PTPRD: variants seen among roughly 807,000 people sequenced by gnomAD.
PTPRD encodes the protein protein tyrosine phosphatase receptor type D, also known as receptor-type tyrosine-protein phosphatase delta.
PTPRD carries 34 observed loss-of-function variants against 214.5 expected under a neutral mutation model. The ratio of observed to expected loss-of-function variants is 0.16; its 90% CI spans 0.12 to 0.21. The LOEUF is 0.21. PTPRD is among the 10% of genes least tolerant of loss of function. The probability of loss-of-function intolerance (pLI) is 1.00; values close to 1 mark genes in which losing one functional copy is unlikely to be tolerated. For synonymous variants in PTPRD, 1,128 were observed against 845.7 expected, an observed-to-expected ratio of 1.33 and a Z score of -5.79; for missense variants, 2,545 against 2,398.7, an observed-to-expected ratio of 1.06 and a Z score of -1.27.
At chr9:8,662,479 A>G (rs1461336261) in intron 12 of PTPRD, among the ~76,000 whole-genome samples, 1 of 152,176 alleles carries the variant, frequency 6.6e-6, no homozygotes, top group Non-Finnish European at 1.5e-5. Context: ...ATACAACTAT[A>G]GTCTATCTGT....
intron 5 of PTPRD, among the ~76,000 whole-genome samples, chr9:9,778,470 C>G (rs1298560410): frequency 6.6e-6 from 1 of 152,156 alleles, no homozygotes; most frequent in Non-Finnish European, 1.5e-5. Context: ...GACGCCCATC[C>G]CCGGGAACTC....
intron 11 of PTPRD, among the ~76,000 whole-genome samples, chr9:8,800,353 A>C (rs10815951): frequency 0.65 from 99,474 of 151,958 alleles, 32,913 homozygotes; most frequent in Middle Eastern, 0.74. Context: ...AATGCTGAGA[A>C]CTACTGGGCT....
At chr9:8,530,144 T>C (rs1389621825) in intron 14 of PTPRD, among the ~76,000 whole-genome samples, 1 of 152,070 alleles carries the variant, frequency 6.6e-6, no homozygotes, top group African/African-American at 2.4e-5. Flanking sequence ...TATGTTAGAA[T>C]TTCTAATGAA....
At chr9:9,499,246 C>T (rs1320732924) in intron 8 of PTPRD, among the ~76,000 whole-genome samples, 1 of 152,016 alleles carries the variant, frequency 6.6e-6, no homozygotes, top group Non-Finnish European at 1.5e-5. Flanking sequence ...ATGTTATCCC[C>T]TTTTTAATGG....
At chr9:8,724,816 T>G (rs1013345791) in intron 12 of PTPRD, among the ~76,000 whole-genome samples, 2 of 150,968 alleles carry the variant, frequency 1.3e-5, no homozygotes, top group African/African-American at 2.4e-5. Flanking sequence ...CACGTGCCAG[T>G]AATCCCAGCT....
intron 10 of PTPRD, among the ~76,000 whole-genome samples, chr9:9,132,270 A>C (rs571585192): frequency 1.3e-4 from 20 of 152,182 alleles, no homozygotes; most frequent in Non-Finnish European, 2.4e-4. Context: ...CGGCCTCCCA[A>C]ATTGCTGGGA....
intron 4 of PTPRD, among the ~76,000 whole-genome samples, chr9:9,949,817 T>C (rs1289524403): frequency 6.6e-6 from 1 of 152,162 alleles, no homozygotes; most frequent in Non-Finnish European, 1.5e-5. Flanking sequence ...AAGCCAACAC[T>C]CTGAAGAGCA....
intron 3 of PTPRD, among the ~76,000 whole-genome samples, chr9:10,180,604 C>CAAAAAAAAAAA (rs1288616582): frequency 3.9e-5 from 3 of 76,162 alleles, no homozygotes; most frequent in African/African-American, 4.9e-5. Context: ...AGATAAAGTA[C>CAAAAAAAAAAA]AAAAAAAAAA....
chr9:10,318,420 G>A (rs2096486989), intron 3 of PTPRD, among the ~76,000 whole-genome samples: 1 of 151,972 alleles, frequency 6.6e-6, no homozygotes, highest in South Asian at 2.1e-4. Flanking sequence ...GTAACAGGAA[G>A]TAAAACAGAG....
At chr9:8,536,144 C>T (rs2076879018) in intron 14 of PTPRD, among the ~76,000 whole-genome samples, 1 of 151,812 alleles carries the variant, frequency 6.6e-6, no homozygotes, top group Admixed American at 6.6e-5. Context: ...TAAAGAAAGT[C>T]TTTCAGCTCT....
chr9:9,010,495 T>C (rs1205619582), intron 11 of PTPRD, among the ~76,000 whole-genome samples: 1 of 152,180 alleles, frequency 6.6e-6, no homozygotes, highest in African/African-American at 2.4e-5. Flanking sequence ...ACCAGCAGAA[T>C]ATTAGAAGAT....
intron 11 of PTPRD, among the ~76,000 whole-genome samples, chr9:8,746,983 G>C (rs562626408): frequency 2.6e-5 from 4 of 152,276 alleles, no homozygotes; most frequent in South Asian, 4.1e-4. Flanking sequence ...GCAAAGATGT[G>C]CAAGGATGGG....
At chr9:9,157,162 G>A (rs2099881923) in intron 10 of PTPRD, among the ~76,000 whole-genome samples, 1 of 152,114 alleles carries the variant, frequency 6.6e-6, no homozygotes, top group East Asian at 1.9e-4. Context: ...AGCAATAAAT[G>A]CCTATGTCAG....
At chr9:9,373,152 A>G (rs2059964759) in intron 9 of PTPRD, among the ~76,000 whole-genome samples, 2 of 152,230 alleles carry the variant, frequency 1.3e-5, no homozygotes, top group South Asian at 4.1e-4. Flanking sequence ...GCTGTATAGT[A>G]CAAAGGTTAA....
chr9:9,248,652 T>C (rs1220966014), intron 9 of PTPRD, among the ~76,000 whole-genome samples: 1 of 152,060 alleles, frequency 6.6e-6, no homozygotes, highest in African/African-American at 2.4e-5. Context: ...TATAAAATAG[T>C]TCTATGCACT....
chr9:8,961,728 A>T (rs964962302), intron 11 of PTPRD, among the ~76,000 whole-genome samples: 4 of 152,096 alleles, frequency 2.6e-5, no homozygotes, highest in African/African-American at 9.7e-5. Flanking sequence ...AAAGAAGCCC[A>T]ACTGTTACTA....
At chr9:8,846,141 G>C (rs2097690943) in intron 11 of PTPRD, among the ~76,000 whole-genome samples, 1 of 152,124 alleles carries the variant, frequency 6.6e-6, no homozygotes. Context: ...TCCTGGTTTG[G>C]TAAGGAACTA....
chr9:8,806,140 G>T (rs1170089247), intron 11 of PTPRD, among the ~76,000 whole-genome samples: 1 of 151,240 alleles, frequency 6.6e-6, no homozygotes, highest in African/African-American at 2.4e-5. Flanking sequence ...GGCCAGGCTG[G>T]TCTCGAACTC....
Position 8,897,223 on chromosome 9 carries a change from C to T in PTPRD, c.-104+121474G>A, listed in dbSNP as rs566762243. Reference sequence around the variant, plus strand: ...CCTGCTGAAGGGAATATCGAACAAGCGTAAGTTGTAGACACTCATCTCAAG... The same window carrying T: ...CCTGCTGAAGGGAATATCGAACAAGTGTAAGTTGTAGACACTCATCTCAAG... On this transcript the variant is annotated intron_variant, in intron 11 of 45. Coordinates refer to ENST00000381196, the MANE Select transcript of PTPRD (RefSeq NM_002839.4). Among the ~76,000 whole-genome samples the T allele has an allele frequency of 6.6e-5, 10 of 152,174 alleles. No homozygotes were observed. The South Asian group carries it at 1.4e-3, about 22-fold the overall frequency.
Sources: allele counts gnomAD v4.1 joint callset (sites outside exome capture counted in the v4.1 genomes callset), GRCh38; gene constraint gnomAD v4.1.1; transcripts MANE v1.5; gene names NCBI Gene and HGNC (gene_info 2026-07-23, HGNC 2026-07-21).